SLC25A26: variants seen among roughly 807,000 people sequenced by gnomAD.
The protein encoded by SLC25A26 is solute carrier family 25 member 26, also known as mitochondrial S-adenosylmethionine carrier protein.
In SLC25A26, 36 loss-of-function variants were observed where a neutral mutation model predicts 37.8. The ratio of observed to expected loss-of-function variants is 0.95; its 90% CI spans 0.73 to 1.26. The LOEUF (loss-of-function observed/expected upper bound fraction) is 1.26. SLC25A26 is among the 50% of genes most tolerant of loss of function. SLC25A26 has a pLI of 0.00. For missense variants in SLC25A26, 390 were observed against 331.1 expected, an observed-to-expected ratio of 1.18 and a Z score of -1.38; for synonymous variants, 129 against 122.5, an observed-to-expected ratio of 1.05 and a Z score of -0.35.
chr3:66,295,829 T>G (rs1004792575), intron 5 of SLC25A26, among the ~76,000 whole-genome samples: 5 of 151,850 alleles, frequency 3.3e-5, no homozygotes, highest in Non-Finnish European at 7.4e-5. Context: ...TTTTTTAAAT[T>G]CCATTTCTTG....
intron 1 of SLC25A26, among the ~76,000 whole-genome samples, chr3:66,134,442 C>T (rs1204695154): frequency 6.6e-6 from 1 of 152,098 alleles, no homozygotes; most frequent in South Asian, 2.1e-4. Context: ...GAAGTGCCCC[C>T]GCACCAAAAA....
At position 66,188,464 on chromosome 3, in the gene SLC25A26, C is replaced by T. The variant is rs2070872455; in HGVS notation, c.-353-32278C>T. ...AAGGAGGGGAATGAGTGAGTTCTTG[C>T]TCTATTAGTTCCCATGAGATCTGGT... On this transcript the variant is annotated intron_variant, in intron 1 of 10. Coordinates refer to the SLC25A26 transcript ENST00000676754. Among the ~76,000 whole-genome samples, 15 of 152,148 alleles carry T rather than the reference C, an allele frequency of 9.9e-5. No homozygotes were observed. In the South Asian group the frequency reaches 3.1e-3, roughly 32 times the overall value.
chr3:66,183,657 C>T (rs951545573), intron 1 of SLC25A26, among the ~76,000 whole-genome samples: 6 of 151,918 alleles, frequency 3.9e-5, no homozygotes, highest in African/African-American at 7.3e-5. Context: ...ACCTTCATCA[C>T]GATCTTGACC....
chr3:66,221,621 A>G (rs2071500991), intron 1 of SLC25A26, among the ~76,000 whole-genome samples: 1 of 151,932 alleles, frequency 6.6e-6, no homozygotes, highest in Admixed American at 6.6e-5. Context: ...TTCTGCTCCA[A>G]GCCTAGGCTT....
At chr3:66,170,791 G>GTTTTTTTTTTTTTT (rs36147154) in intron 1 of SLC25A26, among the ~76,000 whole-genome samples, 4 of 50,896 alleles carry the variant, frequency 7.9e-5, no homozygotes, top group East Asian at 8.0e-4. Context: ...TGTGATTATT[G>GTTTTTTTTTTTTTT]TTTTTTTTTT....
rs986533807 is a variant in SLC25A26, at chr3:66,255,090, G to C, written c.301-6961G>C. ...ACCTAAAGTGAGGCCGAAGTTCACT[G>C]GAATTTTTTCCCTTTCAAATGTTTA... On this transcript the variant is annotated intron_variant, in intron 3 of 9. Coordinates refer to ENST00000354883, the MANE Select transcript of SLC25A26 (RefSeq NM_001379210.1). Among the ~76,000 whole-genome samples the C allele has an allele frequency of 1.5e-4, 23 of 152,112 alleles. 1 individual carries two copies. The highest frequency in any genetic ancestry group is 3.1e-4 in the Non-Finnish European group (21 of 68,010).
At chr3:66,351,574 A>T (rs770549912) in intron 6 of SLC25A26, among the ~76,000 whole-genome samples, 20 of 152,070 alleles carry the variant, frequency 1.3e-4, no homozygotes, top group Non-Finnish European at 2.8e-4. Context: ...CTCCATGGCA[A>T]GCCCCTTCCT....
intron 1 of SLC25A26, among the ~76,000 whole-genome samples, chr3:66,156,099 G>A (rs925920362): frequency 6.6e-6 from 1 of 152,162 alleles, no homozygotes; most frequent in Non-Finnish European, 1.5e-5. Context: ...AGAAGCAGGG[G>A]CTCAGAGGGA....
In SLC25A26 at chr3:66,228,655, G is replaced by A. The variant is rs550821501; in HGVS notation, c.33+7528G>A. Among the ~76,000 whole-genome samples the A allele has an allele frequency of 9.2e-5, 14 of 152,276 alleles. No homozygotes were observed. In the South Asian group the frequency reaches 2.7e-3, roughly 29 times the overall value. ...GTCTAGTAGGAGGCAGATGCTAAAC[G>A]AAACTTAATTATATAATTCCAAGTG... On this transcript the variant is annotated intron_variant, in intron 1 of 9. Coordinates refer to ENST00000354883, the MANE Select transcript of SLC25A26 (RefSeq NM_001379210.1).
At chr3:66,207,628 AT>A (rs1278149008) in intron 1 of SLC25A26, among the ~76,000 whole-genome samples, 1 of 152,258 alleles carries the variant, frequency 6.6e-6, no homozygotes, top group Admixed American at 6.5e-5. Context: ...AATGCTATAA[AT>A]TTTAATGTAA....
At chr3:66,297,386 T>A (rs1443505590) in intron 5 of SLC25A26, among the ~76,000 whole-genome samples, 1 of 152,098 alleles carries the variant, frequency 6.6e-6, no homozygotes, top group Middle Eastern at 3.2e-3. Flanking sequence ...AGATGCTCTT[T>A]TGCTTAGTAA....
At chr3:66,162,348 T>C (rs1448658034) in intron 1 of SLC25A26, among the ~76,000 whole-genome samples, 1 of 151,078 alleles carries the variant, frequency 6.6e-6, no homozygotes, top group African/African-American at 2.4e-5. Flanking sequence ...TTTTTTCTTT[T>C]TTTTTTTTTT....
intron 3 of SLC25A26, among the ~76,000 whole-genome samples, chr3:66,250,548 C>T (rs534198085): frequency 3.7e-4 from 56 of 152,252 alleles, no homozygotes; most frequent in Admixed American, 7.2e-4. Context: ...CAGTGCATGT[C>T]CCAGTCAGCT....
intron 5 of SLC25A26, among the ~76,000 whole-genome samples, chr3:66,339,019 T>C (rs1440517667): frequency 6.6e-6 from 1 of 152,076 alleles, no homozygotes; most frequent in Admixed American, 6.6e-5. Flanking sequence ...TTGTGACTTA[T>C]GCTGCAGGCT....
At chr3:66,220,822 C>A, upstream of SLC25A26, 1 of 532,018 alleles carries the variant, frequency 1.9e-6, no homozygotes, top group Non-Finnish European at 3.3e-6. Context: ...AAAGTTCCTC[C>A]GTCTAGCTGC....
intron 1 of SLC25A26, among the ~76,000 whole-genome samples, chr3:66,145,821 G>C (rs182218091): frequency 5.9e-5 from 9 of 152,010 alleles, no homozygotes; most frequent in African/African-American, 1.9e-4. Flanking sequence ...TTCCTCGCCT[G>C]AGTAAAATTT....
intron 5 of SLC25A26, among the ~76,000 whole-genome samples, chr3:66,318,569 C>T (rs1468343099): frequency 1.3e-5 from 2 of 151,900 alleles, no homozygotes; most frequent in African/African-American, 4.8e-5. Flanking sequence ...ATTCACTCAC[C>T]ATTTTTGTCC....
chr3:66,278,817 C>T (rs759885299), intron 5 of SLC25A26, among the ~76,000 whole-genome samples: 1 of 152,196 alleles, frequency 6.6e-6, no homozygotes, highest in Non-Finnish European at 1.5e-5. Flanking sequence ...CTTCTCTCAA[C>T]TATACTTTCA....
intron 1 of SLC25A26, among the ~76,000 whole-genome samples, chr3:66,168,147 CA>C (rs1398782107): frequency 2.1e-5 from 1 of 48,210 alleles, no homozygotes; most frequent in Non-Finnish European, 4.3e-5. Context: ...GAGCAAAACT[CA>C]GTCTCAAAAA....
Sources: allele counts gnomAD v4.1 joint callset (sites outside exome capture counted in the v4.1 genomes callset), GRCh38; gene constraint gnomAD v4.1.1; transcripts MANE v1.5; gene names NCBI Gene and HGNC (gene_info 2026-07-23, HGNC 2026-07-21).